Variants in TMEM163 observed in about 807,000 individuals in gnomAD.
The protein encoded by TMEM163 is transmembrane protein 163.
Under a neutral mutation model 29.3 loss-of-function variants are expected in TMEM163, and 17 were observed. The ratio of observed to expected loss-of-function variants is 0.58; its 90% CI spans 0.40 to 0.87. TMEM163 has a LOEUF of 0.87. Ranked by LOEUF, TMEM163 falls within the 40% of genes least tolerant of loss-of-function variation. The probability of loss-of-function intolerance (pLI) is 0.00; values close to 1 mark genes in which losing one functional copy is unlikely to be tolerated. For missense variants in TMEM163, 303 were observed against 381.5 expected (o/e 0.79, Z 1.71); for synonymous variants, 157 against 160.6 (o/e 0.98, Z 0.17).
At position 134,651,447 on chromosome 2, in the gene TMEM163, C is replaced by T. The variant is rs1266817092; in HGVS notation, c.322+61753G>A. On this transcript the variant is annotated intron_variant, in intron 2 of 7. Coordinates refer to ENST00000281924, the MANE Select transcript of TMEM163 (RefSeq NM_030923.5). ...TCATTGTAGATTCTGGATATTAGCCCTTTGTCAGATGAGTAGGTTGCGAAA... is the reference window on the plus strand; with the variant it reads ...TCATTGTAGATTCTGGATATTAGCCTTTTGTCAGATGAGTAGGTTGCGAAA... Among the ~76,000 whole-genome samples, 34 of 112,988 alleles carry T rather than the reference C, an allele frequency of 3.0e-4. 2 individuals are homozygous for T. The highest frequency in any genetic ancestry group is 1.5e-3 in the African/African-American group (33 of 22,746). The allele number at this position is 112,988 out of a possible 152,430, so 74.1% of individuals were successfully genotyped here. A position where few individuals can be genotyped will look rare whatever the true frequency, so the allele number is the denominator to read the frequency against.
At chr2:134,633,968 T>TATAG (rs1683038091) in intron 2 of TMEM163, among the ~76,000 whole-genome samples, 1 of 2,088 alleles carries the variant, frequency 4.8e-4, no homozygotes, top group Non-Finnish European at 1.5e-3. Flanking sequence ...AAAAAATACA[T>TATAG]ATATATATAT....
At chr2:134,479,176 C>A (rs1225345607) in intron 5 of TMEM163, among the ~76,000 whole-genome samples, 5 of 152,208 alleles carry the variant, frequency 3.3e-5, no homozygotes, top group Non-Finnish European at 7.3e-5. Context: ...GCTGCCCAGT[C>A]TATGGCATTC....
chr2:134,535,626 G>C (rs1680519499), intron 4 of TMEM163, among the ~76,000 whole-genome samples: 1 of 151,950 alleles, frequency 6.6e-6, no homozygotes, highest in South Asian at 2.1e-4. Flanking sequence ...TAACAATACA[G>C]TATTGTACAC....
At chr2:134,641,592 TTA>T in intron 2 of TMEM163, among the ~76,000 whole-genome samples, 1 of 152,098 alleles carries the variant, frequency 6.6e-6, no homozygotes, top group East Asian at 1.9e-4. Flanking sequence ...CACTAAAAAT[TTA>T]TATACAAAGA....
intron 2 of TMEM163, among the ~76,000 whole-genome samples, chr2:134,643,549 A>T (rs934664270): frequency 6.6e-5 from 10 of 152,234 alleles, no homozygotes; most frequent in African/African-American, 2.4e-4. Context: ...CTACAGATCA[A>T]TATTCTTCAT....
intron 2 of TMEM163, among the ~76,000 whole-genome samples, chr2:134,649,468 G>A (rs1174855752): frequency 6.6e-6 from 1 of 152,204 alleles, no homozygotes; most frequent in Non-Finnish European, 1.5e-5. Context: ...ACTCTCTATA[G>A]TAGAGAAAAA....
chr2:134,689,743 A>T (rs1256835187), intron 2 of TMEM163, among the ~76,000 whole-genome samples: 1 of 152,226 alleles, frequency 6.6e-6, no homozygotes, highest in Non-Finnish European at 1.5e-5. Context: ...TGCTTTTATG[A>T]CCAAATGTTA....
intron 2 of TMEM163, among the ~76,000 whole-genome samples, chr2:134,619,838 G>A (rs1682688005): frequency 6.6e-6 from 1 of 152,142 alleles, no homozygotes; most frequent in South Asian, 2.1e-4. Flanking sequence ...AAGTTTAGTA[G>A]GGTTGCAGGA....
At chr2:134,641,728 G>C (rs1183429585) in intron 2 of TMEM163, among the ~76,000 whole-genome samples, 1 of 151,952 alleles carries the variant, frequency 6.6e-6, no homozygotes, top group East Asian at 1.9e-4. Flanking sequence ...CTAAAGAAAA[G>C]CACATCAATA....
At chr2:134,630,904 CA>C (rs1682953636) in intron 2 of TMEM163, among the ~76,000 whole-genome samples, 1 of 151,520 alleles carries the variant, frequency 6.6e-6, no homozygotes, top group Non-Finnish European at 1.5e-5. Context: ...GCAGATTAAA[CA>C]AAAAACCACC....
chr2:134,636,871 G>T (rs189987182), intron 2 of TMEM163, among the ~76,000 whole-genome samples: 138 of 152,250 alleles, frequency 9.1e-4, no homozygotes, highest in African/African-American at 3.2e-3. Flanking sequence ...CTGGTCTTGT[G>T]GTCCCCACAC....
At chr2:134,712,834 T>C (rs1236482038) in intron 2 of TMEM163, among the ~76,000 whole-genome samples, 1 of 152,188 alleles carries the variant, frequency 6.6e-6, no homozygotes, top group Non-Finnish European at 1.5e-5. Flanking sequence ...ATTGCACCCA[T>C]CTTCTTGCAT....
chr2:134,523,587 C>T (rs564168952), intron 4 of TMEM163, among the ~76,000 whole-genome samples: 2 of 152,310 alleles, frequency 1.3e-5, no homozygotes, highest in East Asian at 1.9e-4. Context: ...CATTACACCA[C>T]GTTTCTCAGC....
chr2:134,519,924 C>T (rs375210221), intron 4 of TMEM163, among the ~76,000 whole-genome samples: 4 of 149,014 alleles, frequency 2.7e-5, no homozygotes, highest in African/African-American at 9.9e-5. Flanking sequence ...CACACACAAA[C>T]ATCCTCTGAA....
At chr2:134,699,959 C>A (rs1427096993) in intron 2 of TMEM163, among the ~76,000 whole-genome samples, 4 of 152,104 alleles carry the variant, frequency 2.6e-5, no homozygotes, top group African/African-American at 9.7e-5. Flanking sequence ...GCCAGATCAT[C>A]TTCTTCTATC....
intron 2 of TMEM163, among the ~76,000 whole-genome samples, chr2:134,643,618 T>C (rs527910188): frequency 6.6e-6 from 1 of 151,902 alleles, no homozygotes; most frequent in Non-Finnish European, 1.5e-5. Context: ...CAAAATATAT[T>C]GATCACATCA....
In TMEM163 at chr2:134,575,910, C is replaced by T. The variant is rs564452904; in HGVS notation, c.323-23819G>A. Among the ~76,000 whole-genome samples the T allele has an allele frequency of 4.5e-4, 69 of 152,146 alleles. No individual in the cohort carries two copies. In the South Asian group the frequency reaches 0.014, roughly 32 times the overall value. On this transcript the variant is annotated intron_variant, in intron 2 of 7. Transcript: ENST00000281924. ...CCAGGAAGAGTGAGACTCCTGGGGA[C>T]CCAACCACACAGAGGTGAGCCCAGG...
intron 2 of TMEM163, among the ~76,000 whole-genome samples, chr2:134,691,854 T>C (rs1387820343): frequency 6.6e-6 from 1 of 152,226 alleles, no homozygotes; most frequent in Admixed American, 6.5e-5. Context: ...CCTTTCTGTA[T>C]CCTTGTACAA....
intron 2 of TMEM163, among the ~76,000 whole-genome samples, chr2:134,707,586 G>A (rs1684842064): frequency 6.6e-6 from 1 of 152,184 alleles, no homozygotes; most frequent in South Asian, 2.1e-4. Flanking sequence ...AAGTATTTCA[G>A]GGGTAGGGGA....
Sources: gnomAD v4.1 joint callset for allele counts (sites outside exome capture counted in the v4.1 genomes callset) on GRCh38, gnomAD v4.1.1 for gene constraint, MANE v1.5 for transcripts, NCBI Gene and HGNC (gene_info 2026-07-23, HGNC 2026-07-21) for gene names.